Variants in NCKAP5 observed in about 807,000 individuals in gnomAD.
NCKAP5 encodes NCK associated protein 5.
Under a neutral mutation model 167.0 loss-of-function variants are expected in NCKAP5, and 92 were observed. The observed-to-expected ratio is 0.55, with a 90% CI of 0.47 to 0.66. NCKAP5 has a LOEUF of 0.66. Among genes scored for constraint, NCKAP5 ranks in the 30% least tolerant of loss-of-function variants. The pLI is 0.00. For synonymous variants in NCKAP5, 891 were observed against 877.4 expected (o/e 1.02, Z -0.27); for missense variants, 2,378 against 2,315.0 (o/e 1.03, Z -0.56).
At chr2:133,186,974 A>T (rs1253511384) in intron 5 of NCKAP5, among the ~76,000 whole-genome samples, 1 of 151,670 alleles carries the variant, frequency 6.6e-6, no homozygotes, top group African/African-American at 2.4e-5. Flanking sequence ...CTCTGATTTT[A>T]GTTACATCTT....
At chr2:132,968,070 G>A (rs113534720) in intron 7 of NCKAP5, among the ~76,000 whole-genome samples, 126 of 152,280 alleles carry the variant, frequency 8.3e-4, no homozygotes, top group African/African-American at 2.6e-3. Context: ...GGTCTGTGGT[G>A]GAGCATAGTG....
chr2:132,712,267 T>G (rs1688920179), intron 19 of NCKAP5, among the ~76,000 whole-genome samples: 1 of 152,156 alleles, frequency 6.6e-6, no homozygotes, highest in African/African-American at 2.4e-5. Context: ...CTCTTCCCCT[T>G]TATGCCCACC....
At chr2:133,063,408 A>T (rs1461577055) in intron 6 of NCKAP5, among the ~76,000 whole-genome samples, 2 of 152,218 alleles carry the variant, frequency 1.3e-5, no homozygotes, top group African/African-American at 4.8e-5. Flanking sequence ...ATGTATTTAT[A>T]TATGGCGAAT....
At chr2:133,021,638 GTTGTTTT>G (rs2078531651) in intron 6 of NCKAP5, among the ~76,000 whole-genome samples, 1 of 152,094 alleles carries the variant, frequency 6.6e-6, no homozygotes, top group African/African-American at 2.4e-5. Flanking sequence ...ATTGTTGTTT[GTTGTTTT>G]TTCAGAGACA....
intron 6 of NCKAP5, among the ~76,000 whole-genome samples, chr2:133,061,563 C>T (rs1232128530): frequency 6.6e-6 from 1 of 152,130 alleles, no homozygotes; most frequent in East Asian, 1.9e-4. Flanking sequence ...GGGAGTAATC[C>T]TCCACCCAAG....
chr2:133,071,432 G>C (rs1010260003), intron 6 of NCKAP5, among the ~76,000 whole-genome samples: 1 of 152,124 alleles, frequency 6.6e-6, no homozygotes, highest in African/African-American at 2.4e-5. Context: ...GCGACAGAGC[G>C]AGACTCCGTC....
chr2:133,235,750 C>T (rs2087376580), intron 4 of NCKAP5, among the ~76,000 whole-genome samples: 1 of 151,488 alleles, frequency 6.6e-6, no homozygotes, highest in African/African-American at 2.4e-5. Context: ...ACTAAAAATA[C>T]AAAATTAGCC....
intron 19 of NCKAP5, among the ~76,000 whole-genome samples, chr2:132,710,563 T>C (rs745462912): frequency 2.0e-5 from 3 of 152,160 alleles, no homozygotes; most frequent in Non-Finnish European, 4.4e-5. Flanking sequence ...CTCAGAAGCA[T>C]AGCACATTTG....
chr2:133,228,299 C>T (rs1287457967), intron 4 of NCKAP5, among the ~76,000 whole-genome samples: 1 of 152,106 alleles, frequency 6.6e-6, no homozygotes, highest in African/African-American at 2.4e-5. Flanking sequence ...TTAATTAATC[C>T]TTACTTGGAC....
chr2:133,268,640 G>A (rs1017095917), intron 4 of NCKAP5, among the ~76,000 whole-genome samples: 26 of 151,802 alleles, frequency 1.7e-4, no homozygotes, highest in Admixed American at 6.6e-5. Flanking sequence ...CCGCCACCGC[G>A]CCCGGCTAAT....
At chr2:133,656,807 T>C in the NCKAP5 span, among the ~76,000 whole-genome samples, 1 of 152,166 alleles carries the variant, frequency 6.6e-6, no homozygotes, top group South Asian at 2.1e-4. Context: ...GTTATTGAGG[T>C]ACAGGTGGTA....
intron 19 of NCKAP5, among the ~76,000 whole-genome samples, chr2:132,725,179 G>A (rs770137814): frequency 4.6e-5 from 7 of 152,184 alleles, no homozygotes; most frequent in Non-Finnish European, 1.0e-4. Context: ...CAAAGATGGT[G>A]AGGGAGCTTC....
chr2:133,044,483 T>C (rs925768487), intron 6 of NCKAP5, among the ~76,000 whole-genome samples: 2 of 152,086 alleles, frequency 1.3e-5, no homozygotes, highest in South Asian at 4.1e-4. Flanking sequence ...AATAAGATGG[T>C]CAGCTCCATT....
At chr2:132,714,873 C>T (rs1201189161) in intron 19 of NCKAP5, 2 of 455,626 alleles carry the variant, frequency 4.4e-6, no homozygotes, top group Admixed American at 4.7e-5. Flanking sequence ...GGTATGTAAG[C>T]TCCCAGTTAT....
chr2:133,645,807 A>G, the NCKAP5 span, among the ~76,000 whole-genome samples: 1 of 152,144 alleles, frequency 6.6e-6, no homozygotes, highest in Admixed American at 6.5e-5. Context: ...TGCTTTAGAT[A>G]ACATAGCATA....
At chr2:132,701,802 C>T (rs904636850) in intron 19 of NCKAP5, among the ~76,000 whole-genome samples, 3 of 152,280 alleles carry the variant, frequency 2.0e-5, no homozygotes, top group Admixed American at 1.3e-4. Flanking sequence ...GTTCCCTCCA[C>T]AATGTGATTA....
chr2:133,157,305 T>C (rs148321435), intron 5 of NCKAP5, among the ~76,000 whole-genome samples: 74 of 152,294 alleles, frequency 4.9e-4, no homozygotes, highest in Middle Eastern at 3.4e-3. Flanking sequence ...ATAATAAGCA[T>C]TTGCTACATT....
In NCKAP5 at chr2:133,019,903, G is replaced by A. The variant is rs147631428; in HGVS notation, c.342-25664C>T. ...AAATCTGACAAGGCCTGTGTGGGTCGGAGCCTGCACACTGCTATGGGAGAG... is the reference window on the plus strand; with the variant it reads ...AAATCTGACAAGGCCTGTGTGGGTCAGAGCCTGCACACTGCTATGGGAGAG... On this transcript the variant is annotated intron_variant, in intron 6 of 19. Coordinates refer to ENST00000409261, the MANE Select transcript of NCKAP5 (RefSeq NM_207363.3). 7.9e-4 allele frequency among the ~76,000 whole-genome samples: 121 copies of A among 152,282 alleles called. 1 individual carries two copies. The highest frequency in any genetic ancestry group is 2.7e-3 in the African/African-American group (113 of 41,556).
chr2:133,311,225 G>A (rs1449129045), intron 3 of NCKAP5, among the ~76,000 whole-genome samples: 1 of 152,162 alleles, frequency 6.6e-6, no homozygotes, highest in Non-Finnish European at 1.5e-5. Flanking sequence ...ACATCCTCAA[G>A]CTTGATTAAT....
Sources: gnomAD v4.1 joint callset for allele counts (sites outside exome capture counted in the v4.1 genomes callset) on GRCh38, gnomAD v4.1.1 for gene constraint, MANE v1.5 for transcripts, NCBI Gene and HGNC (gene_info 2026-07-23, HGNC 2026-07-21) for gene names.